The following NNMT variants were observed in gnomAD, a reference collection of about 807,000 sequenced individuals.
NNMT encodes the protein nicotinamide N-methyltransferase.
In NNMT, 10 loss-of-function variants were observed where a neutral mutation model predicts 11.7. That is an observed-to-expected ratio of 0.85 (90% CI 0.53 to 1.45). The LOEUF is 1.45. NNMT is among the 40% of genes most tolerant of loss of function. NNMT has a pLI of 0.00. For missense variants in NNMT, 381 were observed against 319.4 expected, an observed-to-expected ratio of 1.19 and a Z score of -1.47; for synonymous variants, 143 against 133.8, an observed-to-expected ratio of 1.07 and a Z score of -0.48.
chr11:114,295,091 G>C (rs1267928696), upstream of NNMT, among the ~76,000 whole-genome samples: 3 of 152,208 alleles, frequency 2.0e-5, no homozygotes, highest in Admixed American at 6.5e-5. Context: ...ACGAGAAGTG[G>C]GGTATGCAGG....
chr11:114,270,950 T>A (rs1945164571), intron 2 of NNMT, among the ~76,000 whole-genome samples: 1 of 150,992 alleles, frequency 6.6e-6, no homozygotes, highest in African/African-American at 2.4e-5. Flanking sequence ...GATTTTTGTA[T>A]TTTTTTAGCA....
chr11:114,312,603 G>A lies in NNMT; in HGVS notation c.*126G>A, dbSNP rs1048797304. 25 of 883,878 alleles carry A rather than the reference G, an allele frequency of 2.8e-5. No individual in the cohort carries two copies. The African/African-American group carries it at 2.8e-4, about 10-fold the overall frequency. The allele number at this position is 883,878 out of a possible 1,614,324, so 54.8% of individuals were successfully genotyped here. A position where few individuals can be genotyped will look rare whatever the true frequency, so the allele number is the denominator to read the frequency against. ...TGGGGCCCAATGGTTCATCTAGGAC[G>A]GGACTAGAGAGGTCAGTCTACAAGC... On this transcript the variant is annotated 3_prime_UTR_variant, in exon 3 of 3. Transcript: ENST00000299964.
chr11:114,266,218 C>G (rs1227618274), intron 2 of NNMT, among the ~76,000 whole-genome samples: 2 of 152,050 alleles, frequency 1.3e-5, no homozygotes, highest in Non-Finnish European at 2.9e-5. Context: ...ATATTATGTC[C>G]CCCACCCCAC....
At chr11:114,294,742 GT>G (rs1300831771), upstream of NNMT, among the ~76,000 whole-genome samples, 8 of 150,104 alleles carry the variant, frequency 5.3e-5, no homozygotes, top group African/African-American at 1.7e-4. Context: ...CCCACAAAAA[GT>G]TTTTAAAAAG....
At chr11:114,300,185 T>G (rs2135274332) in intron 2 of NNMT, among the ~76,000 whole-genome samples, 1 of 152,292 alleles carries the variant, frequency 6.6e-6, no homozygotes, top group East Asian at 1.9e-4. Context: ...CTTTTTCTAA[T>G]GTAGGCATTT....
chr11:114,298,051 C>A lies in NNMT; in HGVS notation c.255C>A (p.Asp85Glu). Reference sequence around the variant, plus strand: ...CCTTTAAGGAGATCGTCGTCACTGACTACTCAGACCAGAACCTGCAGGAGC... The same window carrying A: ...CCTTTAAGGAGATCGTCGTCACTGAATACTCAGACCAGAACCTGCAGGAGC... ...CESFKEIVVT[D>E]YSDQNLQELE... The change falls in exon 2 of 3, where the codon GAC (aspartate) becomes GAA (glutamate). Residue 85 changes from aspartate to glutamate, a missense_variant. By Grantham distance (45) the Asp-to-Glu change is conservative. Transcript: ENST00000299964. 6.2e-7 allele frequency: 1 copy of A among 1,614,128 alleles called. No homozygotes were observed. The highest frequency in any genetic ancestry group is 8.5e-7 in the Non-Finnish European group (1 of 1,180,026).
chr11:114,312,102 G>C lies in NNMT; in HGVS notation c.420G>C (p.Lys140Asn), dbSNP rs1945554726. 6.2e-7 allele frequency: 1 copy of C among 1,611,316 alleles called. No homozygotes were observed. Among genetic ancestry groups the C allele is most frequent in the South Asian group, 1.1e-5 (1 of 90,786 alleles). The change falls in exon 3 of 3, where the codon AAG becomes AAC. Residue 140 changes from lysine to asparagine, a missense_variant. Lys to Asn is a moderately conservative substitution (Grantham distance 94). Transcript: ENST00000299964. Reference protein sequence around the residue: ...KLRQAVKQVLKCDVTQSQPLG... With the variant: ...KLRQAVKQVLNCDVTQSQPLG... Reference sequence around the variant, plus strand: ...GACAGGCGGTCAAGCAGGTGCTGAAGTGTGATGTGACTCAGAGCCAGCCAC... The same window carrying C: ...GACAGGCGGTCAAGCAGGTGCTGAACTGTGATGTGACTCAGAGCCAGCCAC...
chr11:114,297,562 C>A (rs1047482022), intron 1 of NNMT, among the ~76,000 whole-genome samples: 1 of 147,974 alleles, frequency 6.8e-6, no homozygotes, highest in African/African-American at 2.5e-5. Flanking sequence ...CACAGCTCAT[C>A]ATAGTCTCGA....
At chr11:114,267,474 C>G (rs907897370) in intron 2 of NNMT, among the ~76,000 whole-genome samples, 7 of 152,004 alleles carry the variant, frequency 4.6e-5, no homozygotes, top group African/African-American at 1.7e-4. Flanking sequence ...ACTACAAATG[C>G]CAATACCTAC....
At chr11:114,261,053 CGTGA>C (rs1384912789) in intron 1 of NNMT, among the ~76,000 whole-genome samples, 1 of 152,182 alleles carries the variant, frequency 6.6e-6, no homozygotes, top group Non-Finnish European at 1.5e-5. Flanking sequence ...ATGCTATAAA[CGTGA>C]GTTATCAATG....
At chr11:114,267,000 C>T (rs1327099296) in intron 2 of NNMT, among the ~76,000 whole-genome samples, 15 of 152,196 alleles carry the variant, frequency 9.9e-5, no homozygotes, top group Admixed American at 9.8e-4. Context: ...CACGGTGGCT[C>T]ACACTTTTAA....
intron 2 of NNMT, among the ~76,000 whole-genome samples, chr11:114,265,817 A>T (rs978671931): frequency 3.3e-5 from 5 of 152,062 alleles, no homozygotes; most frequent in Non-Finnish European, 7.3e-5. Flanking sequence ...TTCTTTCCTC[A>T]ACTTAGTTGT....
intron 2 of NNMT, among the ~76,000 whole-genome samples, chr11:114,280,675 C>G (rs892617633): frequency 6.6e-6 from 1 of 152,106 alleles, no homozygotes; most frequent in Non-Finnish European, 1.5e-5. Context: ...TGTGTCTCTG[C>G]GATGTGCCCT....
At chr11:114,286,525 TTTTG>T in intron 2 of NNMT, among the ~76,000 whole-genome samples, 1 of 152,338 alleles carries the variant, frequency 6.6e-6, no homozygotes, top group South Asian at 2.1e-4. Flanking sequence ...TAAAATTTAC[TTTTG>T]TTTGTTTTGG....
At chr11:114,267,235 A>C (rs1591825342) in intron 2 of NNMT, among the ~76,000 whole-genome samples, 1 of 152,262 alleles carries the variant, frequency 6.6e-6, no homozygotes, top group East Asian at 1.9e-4. Flanking sequence ...ACTGCAGTCC[A>C]GCCTGGGTGA....
At chr11:114,306,814 G>GT (rs35001862) in intron 2 of NNMT, among the ~76,000 whole-genome samples, 12,326 of 152,202 alleles carry the variant, frequency 0.081, 578 homozygotes, top group Middle Eastern at 0.15. Context: ...CCTGACAGAA[G>GT]AAAGCTTAGG....
rs752972410 is a variant in NNMT at position 114,296,725 on chromosome 11, T to C, written c.154+15T>C. 3.0e-5 allele frequency: 48 copies of C among 1,613,540 alleles called. No homozygotes were observed. The highest frequency in any genetic ancestry group is 4.1e-5 in the Non-Finnish European group (48 of 1,179,676). ...ATTCTGCCTAGGTAAGTCTGTTGTC[T>C]GCATGTCTCCCCACTAATGTGAGTC... On this transcript the variant is annotated intron_variant, in intron 1 of 2. Transcript: ENST00000299964.
At chr11:114,290,046 T>C in intron 2 of NNMT, among the ~76,000 whole-genome samples, 1 of 152,186 alleles carries the variant, frequency 6.6e-6, no homozygotes, top group East Asian at 1.9e-4. Flanking sequence ...ACTGATCCCA[T>C]TCATGAGGCC....
chr11:114,268,630 G>A (rs1945142434), intron 2 of NNMT, among the ~76,000 whole-genome samples: 2 of 152,142 alleles, frequency 1.3e-5, no homozygotes, highest in East Asian at 1.9e-4. Flanking sequence ...TTAGCTGGGC[G>A]TGGTGGCACA....
Sources: gnomAD v4.1 joint callset for allele counts (sites outside exome capture counted in the v4.1 genomes callset) on GRCh38, gnomAD v4.1.1 for gene constraint, MANE v1.5 for transcripts, NCBI Gene and HGNC (gene_info 2026-07-23, HGNC 2026-07-21) for gene names.